Variants in NKAIN2 observed in about 807,000 individuals in gnomAD.
NKAIN2 encodes sodium/potassium-transporting ATPase subunit beta-1-interacting protein 2.
In NKAIN2, 14 loss-of-function variants were observed where a neutral mutation model predicts 32.6. The observed-to-expected ratio is 0.43, with a 90% confidence interval of 0.28 to 0.67. NKAIN2 has a LOEUF of 0.67. Among genes scored for constraint, NKAIN2 ranks in the 30% least tolerant of loss-of-function variants. NKAIN2 has a pLI of 0.17. For missense variants in NKAIN2, 198 were observed against 258.3 expected (o/e 0.77, Z 1.60); for synonymous variants, 80 against 87.2 (o/e 0.92, Z 0.46).
chr6:124,317,028 G>C (rs961633011), intron 2 of NKAIN2, among the ~76,000 whole-genome samples: 1 of 152,026 alleles, frequency 6.6e-6, no homozygotes, highest in Non-Finnish European at 1.5e-5. Flanking sequence ...AGCCAGGCAC[G>C]GTTGCATGTG....
intron 3 of NKAIN2, among the ~76,000 whole-genome samples, chr6:124,490,836 A>T (rs573361989): frequency 6.6e-6 from 1 of 151,906 alleles, no homozygotes; most frequent in South Asian, 2.1e-4. Context: ...GCTAGAGTGC[A>T]TTTTATCTAA....
Position 124,283,134 on chromosome 6 carries a change from A to G in NKAIN2, c.184A>G (p.Ile62Val), listed in dbSNP as rs968150518. 31 of 1,603,962 alleles carry G rather than the reference A, an allele frequency of 1.9e-5. No individual in the cohort carries two copies. The highest frequency in any genetic ancestry group is 2.2e-5 in the Non-Finnish European group (26 of 1,171,042). Residue 62 changes from isoleucine to valine, a missense_variant, in exon 2 of 7, where the codon ATA becomes GTA. Ile to Val is a conservative substitution (Grantham distance 29). Transcript: ENST00000368417. ...AACTATTCAATATAGACCTCGTTAC[A>G]TAACAGGAGTAAGTACATTTTCTGC... ...FGTIQYRPRY[I>V]TGYAVWLVLW...
intron 3 of NKAIN2, among the ~76,000 whole-genome samples, chr6:124,481,046 C>T (rs749784604): frequency 5.3e-5 from 8 of 152,070 alleles, no homozygotes; most frequent in Non-Finnish European, 1.0e-4. Flanking sequence ...TCCTAAATTT[C>T]ATGCTATGCA....
chr6:124,807,434 A>C (rs2114848829), intron 5 of NKAIN2, among the ~76,000 whole-genome samples: 1 of 151,614 alleles, frequency 6.6e-6, no homozygotes, highest in African/African-American at 2.4e-5. Flanking sequence ...ATGTTCTTTG[A>C]AACCAACGAG....
At chr6:124,221,775 G>C (rs911282461) in intron 1 of NKAIN2, among the ~76,000 whole-genome samples, 19 of 152,016 alleles carry the variant, frequency 1.2e-4, no homozygotes, top group Non-Finnish European at 1.3e-4. Context: ...GGTAAAACAT[G>C]CATGAGGAAG....
intron 5 of NKAIN2, among the ~76,000 whole-genome samples, chr6:124,796,724 C>A (rs1780014659): frequency 6.6e-6 from 1 of 152,090 alleles, no homozygotes; most frequent in African/African-American, 2.4e-5. Flanking sequence ...GACCTTAGAA[C>A]CCTATTTGAG....
intron 1 of NKAIN2, among the ~76,000 whole-genome samples, chr6:124,261,950 C>T (rs1794273540): frequency 6.6e-6 from 1 of 151,694 alleles, no homozygotes; most frequent in Admixed American, 6.6e-5. Context: ...TTGAGGGTCT[C>T]TCCTCTGCTT....
At chr6:124,032,948 TA>T (rs1055885661) in intron 1 of NKAIN2, among the ~76,000 whole-genome samples, 27 of 151,432 alleles carry the variant, frequency 1.8e-4, no homozygotes, top group Admixed American at 6.6e-4. Context: ...TTTTGTTCTT[TA>T]AAAAAAAATC....
At chr6:124,424,512 C>T (rs1011178665) in intron 3 of NKAIN2, among the ~76,000 whole-genome samples, 1 of 152,100 alleles carries the variant, frequency 6.6e-6, no homozygotes, top group South Asian at 2.1e-4. Flanking sequence ...CTTCTTCATC[C>T]TACATAAATG....
At chr6:124,527,382 G>A (rs1409539923) in intron 3 of NKAIN2, among the ~76,000 whole-genome samples, 1 of 152,094 alleles carries the variant, frequency 6.6e-6, no homozygotes, top group African/African-American at 2.4e-5. Context: ...TAACTGAAGT[G>A]TTACTAGTTC....
intron 1 of NKAIN2, among the ~76,000 whole-genome samples, chr6:123,841,269 T>G (rs562817964): frequency 5.3e-5 from 8 of 152,304 alleles, no homozygotes; most frequent in Admixed American, 4.6e-4. Flanking sequence ...TATGATTAAC[T>G]GCTAACAAGT....
chr6:124,760,353 C>T (rs1778203806), intron 4 of NKAIN2, among the ~76,000 whole-genome samples: 1 of 100,352 alleles, frequency 1.0e-5, no homozygotes, highest in Admixed American at 1.5e-4. Context: ...ATGCCCGCCC[C>T]CCGCCCCACC....
chr6:123,986,880 G>A (rs565930341), intron 1 of NKAIN2, among the ~76,000 whole-genome samples: 1 of 152,190 alleles, frequency 6.6e-6, no homozygotes, highest in Non-Finnish European at 1.5e-5. Context: ...GACTGGTTTG[G>A]TGTTGAGGTT....
intron 1 of NKAIN2, among the ~76,000 whole-genome samples, chr6:124,272,925 G>T (rs995321032): frequency 7.2e-5 from 11 of 152,182 alleles, no homozygotes; most frequent in African/African-American, 2.2e-4. Flanking sequence ...CTTTGTTTTG[G>T]CACATTTCTC....
intron 2 of NKAIN2, among the ~76,000 whole-genome samples, chr6:124,310,007 A>G (rs1167461367): frequency 1.3e-5 from 2 of 152,176 alleles, no homozygotes; most frequent in Non-Finnish European, 2.9e-5. Flanking sequence ...TTCCATACAT[A>G]GGTCAGACTT....
intron 3 of NKAIN2, among the ~76,000 whole-genome samples, chr6:124,381,154 T>C (rs1340674617): frequency 6.6e-6 from 1 of 152,186 alleles, no homozygotes; most frequent in Non-Finnish European, 1.5e-5. Flanking sequence ...TATTAAGCTA[T>C]AGACATTATA....
At chr6:124,699,125 C>T (rs1347983024) in intron 4 of NKAIN2, among the ~76,000 whole-genome samples, 3 of 152,164 alleles carry the variant, frequency 2.0e-5, no homozygotes, top group African/African-American at 7.2e-5. Flanking sequence ...AATTACCTCT[C>T]AGAGTTCTGT....
At chr6:123,916,848 A>G (rs919954779) in intron 1 of NKAIN2, among the ~76,000 whole-genome samples, 1 of 114,540 alleles carries the variant, frequency 8.7e-6, no homozygotes, top group African/African-American at 3.5e-5. Flanking sequence ...TATCCTACCT[A>G]CCTACCTATC....
chr6:124,702,763 G>A (rs958288707), intron 4 of NKAIN2, among the ~76,000 whole-genome samples: 7 of 151,912 alleles, frequency 4.6e-5, no homozygotes, highest in East Asian at 1.9e-4. Context: ...CCCTGACATC[G>A]GTCATTACAA....
Sources: gnomAD v4.1 joint callset for allele counts (sites outside exome capture counted in the v4.1 genomes callset) on GRCh38, gnomAD v4.1.1 for gene constraint, MANE v1.5 for transcripts, NCBI Gene and HGNC (gene_info 2026-07-23, HGNC 2026-07-21) for gene names.